Variants in KMT2A observed in about 807,000 individuals in gnomAD.
KMT2A encodes the protein lysine methyltransferase 2A, also known as histone-lysine N-methyltransferase 2A.
A neutral mutation model predicts 345.3 loss-of-function variants in KMT2A; 16 were observed. The ratio of observed to expected loss-of-function variants is 0.05; its 90% CI spans 0.03 to 0.07. KMT2A has a LOEUF of 0.07. KMT2A is among the 10% of genes least tolerant of loss of function. The pLI, the probability that KMT2A is intolerant of heterozygous loss-of-function variation, is 1.00. For synonymous variants in KMT2A, 1,599 were observed against 1,778.6 expected (o/e 0.90, Z 2.54); for missense variants, 3,272 against 4,841.6 (o/e 0.68, Z 9.62).
intron 10 of KMT2A, among the ~76,000 whole-genome samples, chr11:118,486,031 C>T (rs973515910): frequency 1.4e-4 from 22 of 151,992 alleles, no homozygotes; most frequent in Non-Finnish European, 2.2e-4. Flanking sequence ...TGCAGTGAGC[C>T]GAGATCGCCC....
intron 1 of KMT2A, chr11:118,449,303 ATACCAGCAC>A (rs144727678): frequency 0.041 from 6,293 of 152,220 alleles, 184 homozygotes; most frequent in South Asian, 0.067. Flanking sequence ...CACAACTGTA[ATACCAGCAC>A]TGTGGGAGGC....
chr11:118,457,695 T>C (rs1949672555), intron 1 of KMT2A, among the ~76,000 whole-genome samples: 1 of 151,812 alleles, frequency 6.6e-6, no homozygotes, highest in South Asian at 2.1e-4. Flanking sequence ...TTGTATGTGT[T>C]ATTCTCTCTG....
intron 1 of KMT2A, among the ~76,000 whole-genome samples, chr11:118,456,747 C>T (rs1282114411): frequency 6.6e-6 from 1 of 152,222 alleles, no homozygotes; most frequent in African/African-American, 2.4e-5. Flanking sequence ...TACACAGTTT[C>T]AGCATTCATA....
rs1417988844 is a variant in KMT2A, at chr11:118,522,526, T to C, written c.*354T>C. 3 of 288,410 alleles carry C rather than the reference T, an allele frequency of 1.0e-5. No individual in the cohort carries two copies. The highest frequency in any genetic ancestry group is 6.3e-5 in the African/African-American group (3 of 47,638). 17.9% of individuals were successfully genotyped at this position (288,410 alleles called of 1,614,324 possible). On this transcript the variant is annotated 3_prime_UTR_variant, in exon 36 of 36. Coordinates refer to ENST00000534358, the MANE Select transcript of KMT2A (RefSeq NM_001197104.2). The surrounding 1 kb of genome is among the most constrained non-coding windows in gnomAD (Gnocchi z 5.4). ...GCCTGAATTTCTCCACAGAAATAAG[T>C]TGCCATCCTCAGGTTGGCCCTTTCC...
intron 4 of KMT2A, among the ~76,000 whole-genome samples, chr11:118,477,248 T>C (rs1424336963): frequency 6.6e-6 from 1 of 152,144 alleles, no homozygotes; most frequent in Admixed American, 6.5e-5. Context: ...AGAATCTTCC[T>C]AGACTGCTGT....
intron 24 of KMT2A, 55 bp downstream of exon 24, chr11:118,499,968 C>A: frequency 8.5e-7 from 1 of 1,172,752 alleles, no homozygotes; most frequent in Non-Finnish European, 1.3e-6. Flanking sequence ...CACACTGAAG[C>A]CATGTGCAGG....
In KMT2A at chr11:118,493,918, C is replaced by T. The variant is rs1184045706; in HGVS notation, c.5179-370C>T. Among the ~76,000 whole-genome samples the T allele has an allele frequency of 6.6e-6, 1 of 152,120 alleles. No individual in the cohort carries two copies. Among genetic ancestry groups the T allele is most frequent in the African/African-American group, 2.4e-5 (1 of 41,406 alleles). ...CGGAGATTGGGTTTCACCATGTTGG[C>T]TAGGCTGGTCATGAACTCCTGACCT... On this transcript the variant is annotated intron_variant, in intron 16 of 35. Coordinates refer to ENST00000534358, the MANE Select transcript of KMT2A (RefSeq NM_001197104.2). The surrounding 1 kb of genome is among the most constrained non-coding windows in gnomAD (Gnocchi z 5.8).
Position 118,525,629 on chromosome 11 carries a change from A to G in KMT2A, c.*3457A>G, listed in dbSNP as rs578023817. On this transcript the variant is annotated 3_prime_UTR_variant, in exon 36 of 36. Coordinates refer to ENST00000534358, the MANE Select transcript of KMT2A (RefSeq NM_001197104.2). ...AAAAAATAAAAAAAAAAGGAAAAAA[A>G]AATACAACACACACACAAAAATAAA... The G allele has an allele frequency of 4.9e-4, 113 of 229,146 alleles. No homozygotes were observed. The highest frequency in any genetic ancestry group is 2.5e-3 in the African/African-American group (112 of 45,224). 14.2% of individuals were successfully genotyped at this position (229,146 alleles called of 1,614,324 possible). A position where few individuals can be genotyped will look rare whatever the true frequency, so the allele number is the denominator to read the frequency against.
chr11:118,492,476 A>G (rs1408666629), intron 15 of KMT2A, among the ~76,000 whole-genome samples: 9 of 152,294 alleles, frequency 5.9e-5, no homozygotes, highest in African/African-American at 1.7e-4. Flanking sequence ...TCAGGAGATC[A>G]AGACCATCCT....
Position 118,496,285 on chromosome 11 carries a change from G to A in KMT2A, c.5582G>A (p.Ser1861Asn). The A allele has an allele frequency of 6.2e-7, 1 of 1,613,800 alleles. No homozygotes were observed. Among genetic ancestry groups the A allele is most frequent in the Non-Finnish European group, 8.5e-7 (1 of 1,179,742 alleles). The change falls in exon 20 of 36, where the codon AGT becomes AAT. Residue 1861 changes from serine (S) to asparagine (N), a missense_variant. Transcript: ENST00000534358. The surrounding 1 kb of genome is among the most constrained non-coding windows in gnomAD (Gnocchi z 4.7). ...ILSTDRSRED[S>N]PELNPPPGIE... ...GGTACTGATAGGAGTCGAGAAGACAGTCCAGAGCTGAACCCACCCCCAGGC... is the reference window on the plus strand; with the variant it reads ...GGTACTGATAGGAGTCGAGAAGACAATCCAGAGCTGAACCCACCCCCAGGC...
In KMT2A at chr11:118,489,900, C is replaced by A; in HGVS notation, c.4575+13C>A. On this transcript the variant is annotated intron_variant, in intron 12 of 35. Coordinates refer to ENST00000534358, the MANE Select transcript of KMT2A (RefSeq NM_001197104.2). ...GAAGAAAGTCTGGGTGAGTTATACA[C>A]ATGATGCTCTTTTATAGAGAACCAC... 1 of 1,604,998 alleles carries A rather than the reference C, an allele frequency of 6.2e-7. No homozygotes were observed. The highest frequency in any genetic ancestry group is 8.5e-7 in the Non-Finnish European group (1 of 1,171,728).
intron 1 of KMT2A, among the ~76,000 whole-genome samples, chr11:118,447,416 C>T (rs576120081): frequency 1.2e-4 from 18 of 152,106 alleles, no homozygotes; most frequent in Admixed American, 2.6e-4. Context: ...CTTAAGACTA[C>T]GAACAGAATA....
rs1555049878 is a variant in KMT2A, at chr11:118,510,836, T to G, written c.11071+718T>G. The stretch of plus-strand genomic sequence containing the variant: ...GTGAGTTAGGGTTATCAAAAACCCA[T>G]GAAGATAAATAGAAGATTCTATTAA... On this transcript the variant is annotated intron_variant, in intron 30 of 35. Coordinates refer to ENST00000534358, the MANE Select transcript of KMT2A (RefSeq NM_001197104.2). This position sits in a 1 kb window ranked among gnomAD's most constrained non-coding sequence, Gnocchi z 4.1. Among the ~76,000 whole-genome samples, 1 of 152,094 alleles carries G rather than the reference T, an allele frequency of 6.6e-6. No individual in the cohort carries two copies. The highest frequency in any genetic ancestry group is 1.5e-5 in the Non-Finnish European group (1 of 68,016).
chr11:118,492,758 C>A (rs1950346300), intron 15 of KMT2A, among the ~76,000 whole-genome samples: 2 of 152,302 alleles, frequency 1.3e-5, no homozygotes, highest in Non-Finnish European at 2.9e-5. Flanking sequence ...AATAGAGCTC[C>A]ATTTTTTGAA....
chr11:118,476,762 A>C lies in KMT2A; in HGVS notation c.3157-43A>C. The C allele has an allele frequency of 6.5e-7, 1 of 1,535,910 alleles. No individual in the cohort carries two copies. The highest frequency in any genetic ancestry group is 8.9e-7 in the Non-Finnish European group (1 of 1,126,248). ...CTTGGCTTCGTTCAGTTATAATTTCAACATGTATGGTTGTTATTGTTTTTG... is the reference window on the plus strand; with the variant it reads ...CTTGGCTTCGTTCAGTTATAATTTCCACATGTATGGTTGTTATTGTTTTTG... On this transcript the variant is annotated intron_variant, in intron 3 of 35. Coordinates refer to ENST00000534358, the MANE Select transcript of KMT2A (RefSeq NM_001197104.2). This position sits in a 1 kb window ranked among gnomAD's most constrained non-coding sequence, Gnocchi z 4.1.
intron 5 of KMT2A, among the ~76,000 whole-genome samples, chr11:118,479,542 G>A (rs2134291843): frequency 6.6e-6 from 1 of 152,248 alleles, no homozygotes; most frequent in South Asian, 2.1e-4. Flanking sequence ...TCTGTGCTTT[G>A]GTTTGGTCTG....
rs187372921 is a variant in KMT2A at position 118,495,718 on chromosome 11, C to T, written c.5382C>T (p.Asn1794=). ...KVSSNSGMLP[N]AVLPPSLDHN... is the part of the protein sequence containing the mutation. ...TTTTCAGCAGTGGGATGTTACCAAA[C>T]GCAGTGCTTCCACCTTCACTTGACC... The change falls in exon 19 of 36, where the codon AAC becomes AAT. Residue 1794 remains asparagine, a synonymous_variant. Coordinates refer to ENST00000534358, the MANE Select transcript of KMT2A (RefSeq NM_001197104.2). The surrounding 1 kb of genome is among the most constrained non-coding windows in gnomAD (Gnocchi z 4.1). The T allele has an allele frequency of 1.2e-5, 19 of 1,611,420 alleles. No homozygotes were observed. The highest frequency in any genetic ancestry group is 9.3e-5 in the African/African-American group (7 of 74,906).
intron 1 of KMT2A, among the ~76,000 whole-genome samples, chr11:118,444,199 C>T (rs1298461079): frequency 3.3e-5 from 5 of 152,130 alleles, no homozygotes; most frequent in African/African-American, 1.2e-4. Flanking sequence ...TAATAAATAT[C>T]CTACACCTAG....
rs1555042371 is a variant in KMT2A at position 118,491,187 on chromosome 11, T to C, written c.4697-9T>C. 1.9e-6 allele frequency: 3 copies of C among 1,612,674 alleles called. No individual in the cohort carries two copies. Among genetic ancestry groups the C allele is most frequent in the Non-Finnish European group, 2.5e-6 (3 of 1,179,498 alleles). On this transcript the variant is annotated splice_polypyrimidine_tract_variant and intron_variant, in intron 13 of 35. Transcript: ENST00000534358. This position sits in a 1 kb window ranked among gnomAD's most constrained non-coding sequence, Gnocchi z 4.2. ...CAAAGCACTGCTGTAAACTTTGCTT[T>C]GCTTTCAGGAAACTTCTGCCCTCTC...
Sources: allele counts gnomAD v4.1 joint callset (sites outside exome capture counted in the v4.1 genomes callset), GRCh38; gene constraint gnomAD v4.1.1; non-coding constraint Gnocchi (gnomAD v3.1); transcripts MANE v1.5; gene names NCBI Gene and HGNC (gene_info 2026-07-23, HGNC 2026-07-21).